The following SLC13A3 variants were observed in gnomAD, a reference collection of about 807,000 sequenced individuals.
SLC13A3 encodes Na(+)/dicarboxylate cotransporter 3.
A neutral mutation model predicts 59.0 loss-of-function variants in SLC13A3; 40 were observed. The ratio of observed to expected loss-of-function variants is 0.68; its 90% CI spans 0.53 to 0.88. The LOEUF is 0.88. Ranked by LOEUF, SLC13A3 falls within the 40% of genes least tolerant of loss-of-function variation. The probability of loss-of-function intolerance (pLI) is 0.00; values close to 1 mark genes in which losing one functional copy is unlikely to be tolerated. For missense variants in SLC13A3, 699 were observed against 783.2 expected (o/e 0.89, Z 1.28); for synonymous variants, 317 against 330.3 (o/e 0.96, Z 0.44).
intron 1 of SLC13A3, among the ~76,000 whole-genome samples, chr20:46,633,482 T>G (rs1419344447): frequency 6.6e-6 from 1 of 152,210 alleles, no homozygotes. Flanking sequence ...TATTAGGCCA[T>G]CCTCAGAGAA....
At chr20:46,672,946 C>G (rs2063101666), upstream of SLC13A3, among the ~76,000 whole-genome samples, 1 of 151,994 alleles carries the variant, frequency 6.6e-6, no homozygotes, top group South Asian at 2.1e-4. Context: ...GAAGAATCAC[C>G]CAGCTGAGCC....
intron 1 of SLC13A3, among the ~76,000 whole-genome samples, chr20:46,624,863 C>G (rs559960208): frequency 6.6e-6 from 1 of 152,062 alleles, no homozygotes; most frequent in South Asian, 2.1e-4. Flanking sequence ...AGGTCTGCTT[C>G]TAAGTGATAT....
rs1348253173 is a variant in SLC13A3 at position 46,558,066 on chromosome 20, G to C, written c.*1956C>G. 1.4e-5 allele frequency: 2 copies of C among 144,180 alleles called. No homozygotes were observed. The highest frequency in any genetic ancestry group is 3.0e-5 in the Non-Finnish European group (2 of 66,776). The allele number at this position is 144,180 out of a possible 1,614,324, so 8.9% of individuals were successfully genotyped here. On this transcript the variant is annotated 3_prime_UTR_variant, in exon 13 of 13. Transcript: ENST00000279027. ...AATTTATATTCTAGAGGGAGAAGAA[G>C]ATAATAAGAAAATAAGTTATACAGT... is the stretch of plus-strand genomic sequence containing the variant.
chr20:46,661,149 T>C (rs1365945251), intron 1 of SLC13A3, among the ~76,000 whole-genome samples: 1 of 152,224 alleles, frequency 6.6e-6, no homozygotes, highest in Non-Finnish European at 1.5e-5. Flanking sequence ...GACTGTCACA[T>C]TTTATTATTG....
rs376498529 is a variant in SLC13A3 at position 46,632,920 on chromosome 20, T to G, written c.111+18391A>C. Among the ~76,000 whole-genome samples the G allele has an allele frequency of 3.7e-3, 160 of 43,062 alleles. 1 individual carries two copies. The highest frequency in any genetic ancestry group is 0.013 in the East Asian group (12 of 894). 28.3% of individuals were successfully genotyped at this position (43,062 alleles called of 152,430 possible). A position where few individuals can be genotyped will look rare whatever the true frequency, so the allele number is the denominator to read the frequency against. ...AGATAGATAGATAGATATATCTATC[T>G]ATCTATCTATCTATCTATCTATCTA... On this transcript the variant is annotated intron_variant, in intron 1 of 12. Coordinates refer to ENST00000279027, the MANE Select transcript of SLC13A3 (RefSeq NM_022829.6).
chr20:46,613,561 G>A lies in SLC13A3; in HGVS notation c.276C>T (p.Leu92=). 6.2e-7 allele frequency: 1 copy of A among 1,614,142 alleles called. No individual in the cohort carries two copies. Residue 92 remains leucine, a synonymous_variant, in exon 2 of 13, where the codon CTC becomes CTT. Transcript: ENST00000279027. ...CPQYFLDTNF[L]FLSGLIMASA... is the part of the protein sequence containing the mutation. Reference sequence around the variant, plus strand: ...TGGCCATGATCAGCCCACTGAGGAAGAGGAAGTTGGTGTCGAGGAAGTACT... The same window carrying A: ...TGGCCATGATCAGCCCACTGAGGAAAAGGAAGTTGGTGTCGAGGAAGTACT...
chr20:46,584,881 A>G (rs2062176048), intron 8 of SLC13A3, among the ~76,000 whole-genome samples: 1 of 125,388 alleles, frequency 8.0e-6, no homozygotes, highest in Non-Finnish European at 2.0e-5. Context: ...TGATAGACAC[A>G]TGTTTAAAGA....
At chr20:46,651,281 CCGG>C in intron 1 of SLC13A3, 27 bp downstream of exon 1, 1 of 1,462,394 alleles carries the variant, frequency 6.8e-7, no homozygotes. Flanking sequence ...CTGTGGTTGA[CCGG>C]GGGCGCACAG....
intron 5 of SLC13A3, 107 bp from the exon 6 acceptor site, chr20:46,592,636 G>T: frequency 8.8e-7 from 1 of 1,131,292 alleles, no homozygotes; most frequent in East Asian, 2.5e-5. Flanking sequence ...AGGAATGAGA[G>T]GGTCCCATGG....
At chr20:46,670,923 C>T (rs1347626368), upstream of SLC13A3, among the ~76,000 whole-genome samples, 1 of 152,064 alleles carries the variant, frequency 6.6e-6, no homozygotes, top group South Asian at 2.1e-4. Flanking sequence ...ACTTTATTTA[C>T]AAGGCAGCAG....
intron 8 of SLC13A3, chr20:46,584,216 GCA>G: frequency 1.0e-6 from 1 of 985,370 alleles, no homozygotes; most frequent in African/African-American, 1.7e-5. Context: ...CTCGGGGCAG[GCA>G]CTTTCCATTT....
chr20:46,635,240 A>G (rs935450301), intron 1 of SLC13A3, among the ~76,000 whole-genome samples: 1 of 152,130 alleles, frequency 6.6e-6, no homozygotes, highest in African/African-American at 2.4e-5. Flanking sequence ...AAAGGTAATG[A>G]TTCCAGGTAC....
At chr20:46,626,199 C>T (rs1433794142) in intron 1 of SLC13A3, among the ~76,000 whole-genome samples, 2 of 150,056 alleles carry the variant, frequency 1.3e-5, no homozygotes, top group Non-Finnish European at 1.5e-5. Flanking sequence ...CTTCTTCCCA[C>T]TCCCTCTGTC....
At chr20:46,642,532 C>G (rs1263134143) in intron 1 of SLC13A3, among the ~76,000 whole-genome samples, 1 of 152,214 alleles carries the variant, frequency 6.6e-6, no homozygotes, top group Non-Finnish European at 1.5e-5. Flanking sequence ...CACTGGAAGT[C>G]TGCATCTAGA....
intron 1 of SLC13A3, among the ~76,000 whole-genome samples, chr20:46,684,046 A>T (rs1285493307): frequency 6.6e-6 from 1 of 151,910 alleles, no homozygotes; most frequent in Non-Finnish European, 1.5e-5. Flanking sequence ...GCCCTGCAGG[A>T]TCCGGCCCCG....
chr20:46,656,127 CCA>C (rs75246214), upstream of SLC13A3, among the ~76,000 whole-genome samples: 459 of 140,214 alleles, frequency 3.3e-3, 1 homozygote, highest in Non-Finnish European at 4.6e-3. Context: ...ATATAATATA[CCA>C]CACAGTCTAT....
intron 2 of SLC13A3, among the ~76,000 whole-genome samples, chr20:46,610,979 A>T (rs2062488496): frequency 6.6e-6 from 1 of 151,348 alleles, no homozygotes; most frequent in African/African-American, 2.4e-5. Context: ...TCCTCTTACC[A>T]GCTACTCCCT....
At position 46,637,066 on chromosome 20, in the gene SLC13A3, T is replaced by G. The variant is rs2062802838; in HGVS notation, c.111+14245A>C. ...TGCCCACCTCAGCCTCCCAAAGTGCTAGGATTACAGGCGTGAGCCACCGCG... is the reference window on the plus strand; with the variant it reads ...TGCCCACCTCAGCCTCCCAAAGTGCGAGGATTACAGGCGTGAGCCACCGCG... On this transcript the variant is annotated intron_variant, in intron 1 of 12. Coordinates refer to ENST00000279027, the MANE Select transcript of SLC13A3 (RefSeq NM_022829.6). Among the ~76,000 whole-genome samples, 4 of 152,172 alleles carry G rather than the reference T, an allele frequency of 2.6e-5. No individual in the cohort carries two copies. In the South Asian group the frequency reaches 8.3e-4, roughly 31 times the overall value.
intron 1 of SLC13A3, among the ~76,000 whole-genome samples, chr20:46,667,021 T>A (rs1259852086): frequency 6.6e-6 from 1 of 151,140 alleles, no homozygotes; most frequent in Non-Finnish European, 1.5e-5. Context: ...CAGGAAGGGG[T>A]GTGGCACTCA....
Sources: gnomAD v4.1 joint callset for allele counts (sites outside exome capture counted in the v4.1 genomes callset) on GRCh38, gnomAD v4.1.1 for gene constraint, MANE v1.5 for transcripts, NCBI Gene and HGNC (gene_info 2026-07-23, HGNC 2026-07-21) for gene names.